The following ANKDD1A variants were observed in gnomAD, a reference collection of about 807,000 sequenced individuals.
ANKDD1A encodes ankyrin repeat and death domain-containing protein 1A.
A neutral mutation model predicts 63.5 loss-of-function variants in ANKDD1A; 59 were observed. That is an observed-to-expected ratio of 0.93 (90% CI 0.75 to 1.15). The LOEUF (loss-of-function observed/expected upper bound fraction) is 1.15, where lower values mean the gene tolerates loss of function less well. ANKDD1A is among the 50% of genes most tolerant of loss of function. The probability of loss-of-function intolerance (pLI) is 0.00; values close to 1 mark genes in which losing one functional copy is unlikely to be tolerated. For synonymous variants in ANKDD1A, 266 were observed against 263.9 expected (o/e 1.01, Z -0.08); for missense variants, 632 against 656.4 (o/e 0.96, Z 0.41).
chr15:64,951,883 CCTT>C (rs1566916119), intron 14 of ANKDD1A, among the ~76,000 whole-genome samples: 4 of 82,126 alleles, frequency 4.9e-5, no homozygotes, highest in Non-Finnish European at 6.1e-5. Context: ...TTTCTTCTTT[CCTT>C]CTTTCTTTTT....
At chr15:64,912,094 C>A (rs143054463) in intron 1 of ANKDD1A, 130 bp downstream of exon 1, 50 of 944,450 alleles carry the variant, frequency 5.3e-5, no homozygotes, top group Non-Finnish European at 6.8e-5. Flanking sequence ...CTGTGTGGCT[C>A]CGAGCGGAAT....
At chr15:64,943,276 C>G (rs1027016247) in intron 10 of ANKDD1A, 3 of 554,066 alleles carry the variant, frequency 5.4e-6, no homozygotes, top group Non-Finnish European at 9.6e-6. Flanking sequence ...TTATAGTACA[C>G]AAAAAGTGTC....
chr15:64,927,010 C>T lies in ANKDD1A; in HGVS notation c.570+11C>T, dbSNP rs374105135. 3.0e-4 allele frequency: 483 copies of T among 1,613,894 alleles called. No homozygotes were observed. Among genetic ancestry groups the T allele is most frequent in the Non-Finnish European group, 3.8e-4 (452 of 1,179,894 alleles). On this transcript the variant is annotated intron_variant, in intron 6 of 14. Coordinates refer to ENST00000319580, the MANE Select transcript of ANKDD1A (RefSeq NM_182703.6). ...AATGTCAAAGACAAGGTACCGTGTC[C>T]GTGAGGCTCTGGGATCCTGACCAGG...
chr15:64,923,719 C>G (rs2085024858), intron 4 of ANKDD1A, among the ~76,000 whole-genome samples: 1 of 152,176 alleles, frequency 6.6e-6, no homozygotes, highest in Non-Finnish European at 1.5e-5. Context: ...CAGGAGGGCA[C>G]CCTGTGAATA....
In ANKDD1A at chr15:64,954,712, T is replaced by C. The variant is rs1250407740; in HGVS notation, c.1484-2391T>C. On this transcript the variant is annotated intron_variant, in intron 14 of 14. Coordinates refer to ENST00000319580, the MANE Select transcript of ANKDD1A (RefSeq NM_182703.6). ...TTCTCCTTGTTCTTCTCCTTCTTCTTCTCCTTCTCCTCCTCCTTCTTCTTC... is the reference window on the plus strand; with the variant it reads ...TTCTCCTTGTTCTTCTCCTTCTTCTCCTCCTTCTCCTCCTCCTTCTTCTTC... Among the ~76,000 whole-genome samples, 311 of 90,930 alleles carry C rather than the reference T, an allele frequency of 3.4e-3. 2 individuals are homozygous for C. Among genetic ancestry groups the C allele is most frequent in the Non-Finnish European group, 5.7e-3 (243 of 42,452 alleles). The allele number at this position is 90,930 out of a possible 152,430, so 59.7% of individuals were successfully genotyped here.
intron 14 of ANKDD1A, among the ~76,000 whole-genome samples, chr15:64,955,360 C>T (rs941495051): frequency 6.6e-6 from 1 of 152,170 alleles, no homozygotes; most frequent in South Asian, 2.1e-4. Flanking sequence ...CCACCTGAGG[C>T]TGTCATGCAC....
At chr15:64,952,412 CTCCTT>C (rs1595859252) in intron 14 of ANKDD1A, among the ~76,000 whole-genome samples, 3,349 of 9,192 alleles carry the variant, frequency 0.36, 67 homozygotes, top group South Asian at 0.48. Flanking sequence ...TCTTCTTCTT[CTCCTT>C]CTTAGTTTTC....
rs202207774 is a variant in ANKDD1A at position 64,926,218 on chromosome 15, C to T, written c.471+48C>T. On this transcript the variant is annotated intron_variant, in intron 5 of 14. Transcript: ENST00000319580. The stretch of plus-strand genomic sequence containing the variant: ...CATCATTCCCATTGGGCGGGGGGCT[C>T]CTGGGGCCACTCTTGCACACTGGGC... 6.2e-5 allele frequency: 96 copies of T among 1,560,704 alleles called. No individual in the cohort carries two copies. The South Asian group carries it at 9.5e-4, about 15-fold the overall frequency.
chr15:64,938,696 A>T (rs2085155522), intron 9 of ANKDD1A, among the ~76,000 whole-genome samples: 1 of 152,198 alleles, frequency 6.6e-6, no homozygotes, highest in African/African-American at 2.4e-5. Flanking sequence ...TCATGCCTGT[A>T]ATCCCAGCAC....
intron 14 of ANKDD1A, among the ~76,000 whole-genome samples, chr15:64,951,990 CTTT>C (rs1452569227): frequency 5.5e-5 from 8 of 145,444 alleles, no homozygotes; most frequent in Non-Finnish European, 1.1e-4. Context: ...TCTTATTCTT[CTTT>C]CTTTTCTTTC....
chr15:64,934,106 G>A, intron 8 of ANKDD1A, 30 bp from the exon 9 acceptor site: 3 of 1,581,968 alleles, frequency 1.9e-6, no homozygotes, highest in Non-Finnish European at 2.6e-6. Flanking sequence ...GGGTCCTTGT[G>A]ATAACGCATT....
At chr15:64,946,644 T>C (rs929468565) in intron 12 of ANKDD1A, among the ~76,000 whole-genome samples, 3 of 152,120 alleles carry the variant, frequency 2.0e-5, no homozygotes, top group Non-Finnish European at 4.4e-5. Flanking sequence ...GGGCCAGACA[T>C]CAGTGGTTCT....
intron 7 of ANKDD1A, 105 bp downstream of exon 7, chr15:64,931,025 G>A: frequency 3.2e-6 from 4 of 1,232,566 alleles, no homozygotes; most frequent in Non-Finnish European, 4.5e-6. Flanking sequence ...GAAGGCTGAG[G>A]GCATGATCTC....
intron 14 of ANKDD1A, chr15:64,950,490 T>C (rs2085260943): frequency 2.0e-6 from 2 of 985,392 alleles, no homozygotes; most frequent in Non-Finnish European, 2.4e-6. Context: ...GATAGAAGGT[T>C]CTAGTACTAA....
chr15:64,955,395 A>C (rs897370368), intron 14 of ANKDD1A, among the ~76,000 whole-genome samples: 1 of 152,124 alleles, frequency 6.6e-6, no homozygotes, highest in Non-Finnish European at 1.5e-5. Flanking sequence ...AGAGGGACTG[A>C]GAAGCTGAAA....
Position 64,953,720 on chromosome 15 carries a change from C to CT in ANKDD1A, c.1484-3382dup, listed in dbSNP as rs201289028. 0.02 allele frequency among the ~76,000 whole-genome samples: 135 copies of CT among 6,766 alleles called. 1 individual carries two copies. In the South Asian group the frequency reaches 0.22, roughly 11 times the overall value. 4.4% of individuals were successfully genotyped at this position (6,766 alleles called of 152,430 possible). On this transcript the variant is annotated intron_variant, in intron 14 of 14. Transcript: ENST00000319580. ...CTTCTTTCTTCTTCTCCTTGTTCTTCTCCTTCTTCTCCTCCTTCTTCTTTC... is the reference window on the plus strand; with the variant it reads ...CTTCTTTCTTCTTCTCCTTGTTCTTCTTCCTTCTTCTCCTCCTTCTTCTTTC...
At chr15:64,931,036 G>C in intron 7 of ANKDD1A, 116 bp downstream of exon 7, 1 of 1,067,770 alleles carries the variant, frequency 9.4e-7, no homozygotes, top group Non-Finnish European at 1.3e-6. Context: ...GCATGATCTC[G>C]AACTGAGAGC....
At chr15:64,953,777 T>TTTC (rs2085358753) in intron 14 of ANKDD1A, among the ~76,000 whole-genome samples, 2 of 21,698 alleles carry the variant, frequency 9.2e-5, no homozygotes, top group African/African-American at 1.2e-4. Context: ...CTCTTCCCTC[T>TTTC]TTTCTTTCTT....
At chr15:64,915,970 A>T (rs931159088) in intron 2 of ANKDD1A, 70 bp downstream of exon 2, 5 of 1,455,472 alleles carry the variant, frequency 3.4e-6, no homozygotes, top group Non-Finnish European at 3.8e-6. Flanking sequence ...CACAGGGGGA[A>T]TAGTTTATCT....
Sources: allele counts gnomAD v4.1 joint callset (sites outside exome capture counted in the v4.1 genomes callset), GRCh38; gene constraint gnomAD v4.1.1; transcripts MANE v1.5; gene names NCBI Gene and HGNC (gene_info 2026-07-23, HGNC 2026-07-21).